DENND2B: variants seen among roughly 807,000 people sequenced by gnomAD.
The protein encoded by DENND2B is DENN domain containing 2B, also known as DENN domain-containing protein 2B.
In DENND2B, 32 loss-of-function variants were observed where a neutral mutation model predicts 116.0. That is an observed-to-expected ratio of 0.28 (90% CI 0.21 to 0.37). DENND2B has a LOEUF of 0.37. Among genes scored for constraint, DENND2B ranks in the 10% least tolerant of loss-of-function variants. The probability of loss-of-function intolerance (pLI) is 1.00; values close to 1 mark genes in which losing one functional copy is unlikely to be tolerated. For synonymous variants in DENND2B, 588 were observed against 583.9 expected (o/e 1.01, Z -0.10); for missense variants, 1,276 against 1,477.7 (o/e 0.86, Z 2.24).
At chr11:8,806,958 C>T (rs2060917513) in intron 1 of DENND2B, among the ~76,000 whole-genome samples, 1 of 150,628 alleles carries the variant, frequency 6.6e-6, no homozygotes, top group Non-Finnish European at 1.5e-5. Flanking sequence ...CTGGCCCCTT[C>T]TCCACTTTCC....
rs138561645 is a variant in DENND2B, at chr11:8,774,895, T to C, written c.-25-24170A>G. On this transcript the variant is annotated intron_variant, in intron 1 of 19. Transcript: ENST00000313726. ...TTTTTTAATTATTATTTTCACTTTT[T>C]TTTGAGACAGAGTCTCTCTCTGTTG... Among the ~76,000 whole-genome samples the C allele has an allele frequency of 7.6e-3, 1,152 of 152,024 alleles. 3 individuals carry two copies. Among genetic ancestry groups the C allele is most frequent in the Non-Finnish European group, 0.012 (799 of 67,968 alleles).
intron 7 of DENND2B, 94 bp from the exon 8 acceptor site, chr11:8,714,136 T>G: frequency 8.0e-7 from 1 of 1,255,390 alleles, no homozygotes; most frequent in Non-Finnish European, 1.2e-6. Context: ...AGGGGATGGA[T>G]CTCTACCTTC....
At chr11:8,835,104 C>G (rs2062367131) in intron 4 of DENND2B, among the ~76,000 whole-genome samples, 1 of 152,044 alleles carries the variant, frequency 6.6e-6, no homozygotes, top group Non-Finnish European at 1.5e-5. Context: ...ATTAGCCGGG[C>G]ATGGCGGTGT....
intron 9 of DENND2B, among the ~76,000 whole-genome samples, chr11:8,711,638 CT>C (rs2043713966): frequency 6.6e-6 from 1 of 152,036 alleles, no homozygotes; most frequent in Non-Finnish European, 1.5e-5. Context: ...GAGGCCGAGA[CT>C]GGCGGATCAC....
chr11:8,730,937 A>G lies in DENND2B; in HGVS notation c.353T>C (p.Val118Ala). ...TGCTACATCCTGGGCTGCGCCTTGG[A>G]CACTTTCCTTTTGGGCGTCTCTCTT... The part of the protein sequence containing the change: ...ACKRDAQKES[V>A]QGAAQDVAGV... Residue 118 changes from valine (V) to alanine (A), a missense_variant, in exon 3 of 20, where the codon GTC (valine) becomes GCC (alanine). Physicochemically the swap from Val to Ala is moderately conservative, Grantham distance 64 (BLOSUM62 0). Around this residue, in one of 2 missense-constraint regions of DENND2B, gnomAD observed 856 missense variants for 846.6 expected, o/e 1.01. Transcript: ENST00000313726. This position sits in a 1 kb window ranked among gnomAD's most constrained non-coding sequence, Gnocchi z 4.1. 1 of 1,614,196 alleles carries G rather than the reference A, an allele frequency of 6.2e-7. No individual in the cohort carries two copies. Among genetic ancestry groups the G allele is most frequent in the South Asian group, 1.1e-5 (1 of 91,084 alleles).
rs144762440 is a variant in DENND2B, at chr11:8,737,020, A to G, written c.81-5811T>C. ...TTATGATGACTCGGATCAGAAGGGT[A>G]CTGGTAGAGACGGATCTACTTTGAG... On this transcript the variant is annotated intron_variant, in intron 2 of 19. Transcript: ENST00000313726. 2.6e-3 allele frequency among the ~76,000 whole-genome samples: 391 copies of G among 152,298 alleles called. 3 individuals are homozygous for G. The highest frequency in any genetic ancestry group is 9.0e-3 in the African/African-American group (373 of 41,566).
chr11:8,893,071 TG>T lies in DENND2B; in HGVS notation c.-255-11963del, dbSNP rs781569667. Reference sequence around the variant, plus strand: ...ACCATGATCAAGTGGGCTTCATCCCTGGGATGCAAGGCTGGTTCAACATACG... The same window carrying T: ...ACCATGATCAAGTGGGCTTCATCCCTGGATGCAAGGCTGGTTCAACATACG... On this transcript the variant is annotated intron_variant, in intron 1 of 22. Coordinates refer to the DENND2B transcript ENST00000534127. Among the ~76,000 whole-genome samples the T allele has an allele frequency of 1.2e-4, 18 of 152,250 alleles. No homozygotes were observed. The South Asian group carries it at 1.2e-3, about 11-fold the overall frequency.
chr11:8,827,743 C>G (rs994592238), intron 4 of DENND2B, among the ~76,000 whole-genome samples: 4 of 152,192 alleles, frequency 2.6e-5, no homozygotes, highest in African/African-American at 9.7e-5. Flanking sequence ...AAGACTGTCT[C>G]AGCAAGCTTC....
intron 3 of DENND2B, among the ~76,000 whole-genome samples, chr11:8,846,927 C>T (rs1446495673): frequency 6.6e-6 from 1 of 152,230 alleles, no homozygotes; most frequent in South Asian, 2.1e-4. Flanking sequence ...GGTGACCCCT[C>T]AATGCTTTAC....
chr11:8,898,869 T>C (rs866052527), intron 1 of DENND2B, among the ~76,000 whole-genome samples: 24 of 152,140 alleles, frequency 1.6e-4, no homozygotes, highest in African/African-American at 5.8e-4. Flanking sequence ...GTGCAGTTAA[T>C]GGAAACTTTT....
intron 3 of DENND2B, among the ~76,000 whole-genome samples, chr11:8,847,633 C>G (rs915256279): frequency 6.6e-6 from 1 of 152,286 alleles, no homozygotes; most frequent in African/African-American, 2.4e-5. Context: ...ACAGCAAGCT[C>G]TCAATATTTG....
intron 4 of DENND2B, among the ~76,000 whole-genome samples, chr11:8,825,483 G>C (rs922654453): frequency 1.3e-5 from 2 of 151,854 alleles, no homozygotes; most frequent in African/African-American, 4.8e-5. Flanking sequence ...TTCTGTTAAG[G>C]ATTTTTGCAT....
At chr11:8,777,625 T>C (rs2134231705) in intron 1 of DENND2B, among the ~76,000 whole-genome samples, 1 of 152,348 alleles carries the variant, frequency 6.6e-6, no homozygotes, top group South Asian at 2.1e-4. Flanking sequence ...CAGAGATATC[T>C]GTGAATCAAG....
chr11:8,776,877 G>A (rs1263950678), intron 1 of DENND2B, among the ~76,000 whole-genome samples: 1 of 152,082 alleles, frequency 6.6e-6, no homozygotes, highest in Non-Finnish European at 1.5e-5. Flanking sequence ...TCTCCTTAGG[G>A]GTTCCTAGGC....
intron 4 of DENND2B, among the ~76,000 whole-genome samples, chr11:8,827,275 G>A (rs920131513): frequency 2.0e-5 from 3 of 152,178 alleles, no homozygotes; most frequent in African/African-American, 2.4e-5. Flanking sequence ...AAGAACAAAG[G>A]GTCAAGGACT....
chr11:8,898,616 T>G (rs1245858992), intron 1 of DENND2B, among the ~76,000 whole-genome samples: 3 of 152,194 alleles, frequency 2.0e-5, no homozygotes, highest in Admixed American at 6.5e-5. Flanking sequence ...CATGGCCCAA[T>G]TATGGCCTAC....
intron 3 of DENND2B, among the ~76,000 whole-genome samples, chr11:8,851,460 T>C (rs572317322): frequency 2.4e-4 from 37 of 152,312 alleles, no homozygotes; most frequent in African/African-American, 7.5e-4. Context: ...TTTTATCTTA[T>C]CAGATTTGCA....
In DENND2B at chr11:8,730,225, T is replaced by G. The variant is rs771479322; in HGVS notation, c.1065A>C (p.Glu355Asp). 3.7e-6 allele frequency: 6 copies of G among 1,612,876 alleles called. No individual in the cohort carries two copies. In the Admixed American group the frequency reaches 5.0e-5, roughly 13 times the overall value. ...AGEAGPPPER[E>D]GSGSTKPGTP... ...TCCCGGGCTTAGTGGAACCACTGCCTTCCCTCTCTGGGGGTGGGCCCGCCT... is the reference window on the plus strand; with the variant it reads ...TCCCGGGCTTAGTGGAACCACTGCCGTCCCTCTCTGGGGGTGGGCCCGCCT... The change falls in exon 3 of 20, where the codon GAA becomes GAC. Residue 355 changes from glutamate (E) to aspartate (D), a missense_variant. Physicochemically the swap from Glu to Asp is conservative, Grantham distance 45. Transcript: ENST00000313726. This position sits in a 1 kb window ranked among gnomAD's most constrained non-coding sequence, Gnocchi z 4.1.
chr11:8,828,930 G>A (rs548682394), intron 4 of DENND2B, among the ~76,000 whole-genome samples: 42 of 152,074 alleles, frequency 2.8e-4, no homozygotes, highest in African/African-American at 9.9e-4. Flanking sequence ...AGGCAGGGAA[G>A]GGAGGAGAAA....
Sources: gnomAD v4.1 joint callset for allele counts (sites outside exome capture counted in the v4.1 genomes callset) on GRCh38, gnomAD v4.1.1 for gene constraint, gnomAD v4.1.1 regional missense constraint, Gnocchi (gnomAD v3.1) non-coding constraint, MANE v1.5 for transcripts, NCBI Gene and HGNC (gene_info 2026-07-23, HGNC 2026-07-21) for gene names.